The following STK32C variants were observed in gnomAD, a reference collection of about 807,000 sequenced individuals.
The protein encoded by STK32C is serine/threonine kinase 32C.
A neutral mutation model predicts 56.5 loss-of-function variants in STK32C; 31 were observed. The ratio of observed to expected loss-of-function variants is 0.55; its 90% CI spans 0.41 to 0.74. The LOEUF is 0.74. STK32C is among the 30% of genes least tolerant of loss of function. STK32C has a pLI of 0.00. For synonymous variants in STK32C, 309 were observed against 289.4 expected (o/e 1.07, Z -0.69); for missense variants, 544 against 676.9 (o/e 0.80, Z 2.18).
intron 10 of STK32C, among the ~76,000 whole-genome samples, chr10:132,210,842 T>C (rs1408502253): frequency 6.6e-6 from 1 of 152,198 alleles, no homozygotes; most frequent in Non-Finnish European, 1.5e-5. Flanking sequence ...TCTGTGGTGG[T>C]GTGAGGGTTT....
intron 1 of STK32C, among the ~76,000 whole-genome samples, chr10:132,278,770 A>G (rs1416345064): frequency 1.3e-5 from 2 of 152,050 alleles, no homozygotes; most frequent in Non-Finnish European, 2.9e-5. Flanking sequence ...AAAAAAAAAA[A>G]AAAAAAAATT....
intron 2 of STK32C, among the ~76,000 whole-genome samples, chr10:132,232,563 G>A (rs370172437): frequency 1.9e-4 from 29 of 152,200 alleles, no homozygotes; most frequent in African/African-American, 6.7e-4. Flanking sequence ...CGACTCAAAC[G>A]CTTCCTCCAG....
Position 132,224,495 on chromosome 10 carries a change from G to T in STK32C, c.905C>A (p.Ala302Asp). ...WRPYDIHSSN[A>D]VESLVQLFST... The stretch of plus-strand genomic sequence containing the variant: ...GAACAGCTGCACCAGGGACTCCACG[G>T]CGTTGCTGGAGTGGATGTCATAGGG... The change falls in exon 8 of 12, where the codon GCC (alanine) becomes GAC (aspartate). Residue 302 changes from alanine (A) to aspartate (D), a missense_variant. Physicochemically the swap from Ala to Asp is moderately radical, Grantham distance 126. Coordinates refer to ENST00000298630, the MANE Select transcript of STK32C (RefSeq NM_173575.4). 6.3e-7 allele frequency: 1 copy of T among 1,589,814 alleles called. No individual in the cohort carries two copies.
At position 132,226,696 on chromosome 10, in the gene STK32C, GCT is replaced by G. The variant is rs1440271418; in HGVS notation, c.644+97_644+98del. ...AGGGTGGGGCAGAGGAGCTAGACCC[GCT>G]CTGAGGGAGTACGGCCGCCGTGCCG... On this transcript the variant is annotated intron_variant, in intron 4 of 11. Coordinates refer to ENST00000298630, the MANE Select transcript of STK32C (RefSeq NM_173575.4). The G allele has an allele frequency of 4.9e-6, 7 of 1,432,496 alleles. No homozygotes were observed. In the African/African-American group the frequency reaches 8.4e-5, roughly 17 times the overall value. The allele number at this position is 1,432,496 out of a possible 1,614,324, so 88.7% of individuals were successfully genotyped here.
intron 10 of STK32C, among the ~76,000 whole-genome samples, chr10:132,219,062 A>G (rs1240826652): frequency 1.3e-5 from 2 of 152,180 alleles, no homozygotes; most frequent in African/African-American, 4.8e-5. Context: ...GGAATGGGGC[A>G]TGACTGCTAA....
At chr10:132,274,592 C>T (rs2064940769) in intron 1 of STK32C, among the ~76,000 whole-genome samples, 1 of 152,194 alleles carries the variant, frequency 6.6e-6, no homozygotes, top group Non-Finnish European at 1.5e-5. Context: ...AGGGCCTGGC[C>T]GCAGAGCCTC....
intron 10 of STK32C, among the ~76,000 whole-genome samples, chr10:132,220,390 C>T (rs536927915): frequency 6.6e-6 from 1 of 152,216 alleles, no homozygotes; most frequent in African/African-American, 2.4e-5. Context: ...TGGACTCAGG[C>T]CTCCAAGCCA....
intron 4 of STK32C, among the ~76,000 whole-genome samples, 171 bp downstream of exon 4, chr10:132,226,624 T>C (rs2062901077): frequency 6.6e-6 from 1 of 152,200 alleles, no homozygotes; most frequent in African/African-American, 2.4e-5. Context: ...GCTATGGGGC[T>C]GACCTGGTCG....
upstream of STK32C, chr10:132,307,976 TGCGAGCGCTGGGG>T: frequency 1.1e-6 from 1 of 922,622 alleles, no homozygotes; most frequent in Non-Finnish European, 1.3e-6. The surrounding 1 kb of genome is among the most constrained non-coding windows in gnomAD (Gnocchi z 4.4). Context: ...CCCCGTAGAT[TGCGAGCGCTGGGG>T]GCGGGGCAGG....
intron 1 of STK32C, among the ~76,000 whole-genome samples, chr10:132,315,556 C>A (rs1355092918): frequency 6.6e-6 from 1 of 152,170 alleles, no homozygotes; most frequent in African/African-American, 2.4e-5. Context: ...AAGAAGACTT[C>A]AAACTATATA....
At chr10:132,243,404 G>A (rs1565100915) in intron 2 of STK32C, among the ~76,000 whole-genome samples, 1 of 152,140 alleles carries the variant, frequency 6.6e-6, no homozygotes, top group Non-Finnish European at 1.5e-5. Flanking sequence ...TGGAGAGTGG[G>A]CTGGACGGAA....
chr10:132,294,064 C>T lies in STK32C; in HGVS notation c.262+13508G>A, dbSNP rs564254113. On this transcript the variant is annotated intron_variant, in intron 1 of 11. Transcript: ENST00000298630. ...AGACACTCGAGTGGCAATGTCGAGT[C>T]GGAGGGTGGACGGAAAAGCCTGGAA... 9.9e-5 allele frequency among the ~76,000 whole-genome samples: 15 copies of T among 152,276 alleles called. No homozygotes were observed. In the South Asian group the frequency reaches 1.5e-3, roughly 15 times the overall value.
Position 132,307,548 on chromosome 10 carries a change from C to G in STK32C, c.262+24G>C, listed in dbSNP as rs758274119. On this transcript the variant is annotated intron_variant, in intron 1 of 11. Coordinates refer to ENST00000298630, the MANE Select transcript of STK32C (RefSeq NM_173575.4). This position sits in a 1 kb window ranked among gnomAD's most constrained non-coding sequence, Gnocchi z 4.4. ...CCCCTGCAATAGCGCGCGGCCCCCA[C>G]GTCGTCCCCGTGCCCGCACTCACCG... 3.3e-6 allele frequency: 5 copies of G among 1,530,670 alleles called. 1 individual carries two copies. Among genetic ancestry groups the G allele is most frequent in the Non-Finnish European group, 2.6e-6 (3 of 1,139,900 alleles). 94.8% of individuals were successfully genotyped at this position (1,530,670 alleles called of 1,614,324 possible).
rs193238118 is a variant in STK32C, at chr10:132,232,986, G to A, written c.319-4858C>T. Among the ~76,000 whole-genome samples, 975 of 152,310 alleles carry A rather than the reference G, an allele frequency of 6.4e-3. 7 individuals are homozygous for A. Among genetic ancestry groups the A allele is most frequent in the Non-Finnish European group, 9.9e-3 (672 of 68,020 alleles). ...TTTTGTTCCCCAGAAGCAAATGCCT[G>A]ACCACAAGTACCTAAGGCCTCTAAA... On this transcript the variant is annotated intron_variant, in intron 2 of 11. Coordinates refer to ENST00000298630, the MANE Select transcript of STK32C (RefSeq NM_173575.4).
chr10:132,222,828 AG>A, intron 9 of STK32C, 32 bp downstream of exon 9: 1 of 1,591,664 alleles, frequency 6.3e-7, no homozygotes, highest in Non-Finnish European at 8.5e-7. Context: ...ATCCATCCCC[AG>A]GGCCCCCCAC....
At chr10:132,300,149 C>T (rs1453999471) in intron 1 of STK32C, among the ~76,000 whole-genome samples, 1 of 152,214 alleles carries the variant, frequency 6.6e-6, no homozygotes, top group Non-Finnish European at 1.5e-5. Context: ...GTTCGGAGGA[C>T]GGAGAGTCAT....
chr10:132,330,764 C>T (rs2138517844), intron 1 of STK32C, among the ~76,000 whole-genome samples: 1 of 150,932 alleles, frequency 6.6e-6, no homozygotes, highest in Non-Finnish European at 1.5e-5. Context: ...CCCACCCTGG[C>T]CTCCCAAAGT....
chr10:132,225,151 G>C, intron 7 of STK32C, 82 bp downstream of exon 7: 1 of 1,177,988 alleles, frequency 8.5e-7, no homozygotes, highest in South Asian at 1.5e-5. Flanking sequence ...GGACACTGGG[G>C]CAGCCACCCC....
chr10:132,268,891 C>T (rs1374269009), intron 1 of STK32C, among the ~76,000 whole-genome samples: 15 of 123,776 alleles, frequency 1.2e-4, no homozygotes, highest in Admixed American at 3.5e-4. Flanking sequence ...GTATGTGTGT[C>T]GGTGTGTGTG....
Sources: allele counts gnomAD v4.1 joint callset (sites outside exome capture counted in the v4.1 genomes callset), GRCh38; gene constraint gnomAD v4.1.1; non-coding constraint Gnocchi (gnomAD v3.1); transcripts MANE v1.5; gene names NCBI Gene and HGNC (gene_info 2026-07-23, HGNC 2026-07-21).